The following SLC15A5 variants were observed in gnomAD, a reference collection of about 807,000 sequenced individuals.
SLC15A5 encodes Peptide/histidine transporter ENSP00000340402.
SLC15A5 carries 58 observed loss-of-function variants against 56.1 expected under a neutral mutation model. The observed-to-expected ratio is 1.03, with a 90% confidence interval of 0.84 to 1.29. The LOEUF (loss-of-function observed/expected upper bound fraction) is 1.29. Ranked by LOEUF, SLC15A5 falls within the 50% of genes most tolerant of loss-of-function variation. The pLI, the probability that SLC15A5 is intolerant of heterozygous loss-of-function variation, is 0.00. For missense variants in SLC15A5, 681 were observed against 672.1 expected (o/e 1.01, Z -0.15); for synonymous variants, 264 against 250.5 (o/e 1.05, Z -0.51).
chr12:16,272,349 C>T (rs1449165035), intron 2 of SLC15A5, among the ~76,000 whole-genome samples: 1 of 152,024 alleles, frequency 6.6e-6, no homozygotes, highest in Admixed American at 6.6e-5. Flanking sequence ...AATGTGTCCG[C>T]GTGTGTTGGG....
At position 16,235,958 on chromosome 12, in the gene SLC15A5, G is replaced by T. The variant is rs1864348485; in HGVS notation, c.1162+3723C>A. Among the ~76,000 whole-genome samples the T allele has an allele frequency of 2.0e-5, 3 of 152,050 alleles. No individual in the cohort carries two copies. Among genetic ancestry groups the T allele is most frequent in the African/African-American group, 7.2e-5 (3 of 41,420 alleles). The stretch of plus-strand genomic sequence containing the variant: ...CATAAAAGACTTTTAGCTGGAACTT[G>T]AATTTTCATGTTTTTATTTTAAAGA... On this transcript the variant is annotated intron_variant, in intron 5 of 8. Coordinates refer to ENST00000344941, the MANE Select transcript of SLC15A5 (RefSeq NM_001170798.1). This position sits in a 1 kb window ranked among gnomAD's most constrained non-coding sequence, Gnocchi z 4.1.
chr12:16,259,071 A>T (rs1329841180), intron 2 of SLC15A5, among the ~76,000 whole-genome samples: 34 of 113,574 alleles, frequency 3.0e-4, no homozygotes, highest in African/African-American at 1.1e-3. Flanking sequence ...TTACTCTGTC[A>T]CCCAGGCTGG....
intron 5 of SLC15A5, among the ~76,000 whole-genome samples, chr12:16,234,266 C>T (rs935719424): frequency 2.0e-5 from 3 of 152,166 alleles, no homozygotes; most frequent in Non-Finnish European, 4.4e-5. Context: ...AAACCAACAC[C>T]TCCCAATACT....
chr12:16,190,003 C>T (rs1863825639), intron 8 of SLC15A5, among the ~76,000 whole-genome samples, 188 bp from the exon 9 acceptor site: 1 of 152,112 alleles, frequency 6.6e-6, no homozygotes, highest in African/African-American at 2.4e-5. Flanking sequence ...GTTTTTGTGA[C>T]TTAGTAAAGT....
rs1565675132 is a variant in SLC15A5 at position 16,267,332 on chromosome 12, C to T, written c.584+5229G>A. On this transcript the variant is annotated intron_variant, in intron 2 of 8. Transcript: ENST00000344941. ...TCAGTGAAATAAAATACTTGGGCAC[C>T]GATTTCATGGTGGATGGCTGTTGTC... 3.4e-5 allele frequency among the ~76,000 whole-genome samples: 4 copies of T among 116,386 alleles called. 2 individuals are homozygous for T. Among genetic ancestry groups the T allele is most frequent in the South Asian group, 7.5e-4 (2 of 2,652 alleles). 76.4% of individuals were successfully genotyped at this position (116,386 alleles called of 152,430 possible).
intron 6 of SLC15A5, among the ~76,000 whole-genome samples, chr12:16,222,690 A>T (rs1021371758): frequency 2.6e-5 from 4 of 152,186 alleles, no homozygotes; most frequent in African/African-American, 9.6e-5. Context: ...AGTGATGTGT[A>T]GCACATGATC....
At chr12:16,189,952 G>A (rs1370936438) in intron 8 of SLC15A5, 137 bp from the exon 9 acceptor site, 1 of 647,224 alleles carries the variant, frequency 1.5e-6, no homozygotes, top group African/African-American at 1.8e-5. Flanking sequence ...TTATTTAAGA[G>A]CACTGCTCAC....
chr12:16,193,182 C>T (rs1863854879), intron 8 of SLC15A5, among the ~76,000 whole-genome samples: 1 of 152,002 alleles, frequency 6.6e-6, no homozygotes, highest in Non-Finnish European at 1.5e-5. Flanking sequence ...GACCTTTCTG[C>T]AAAACTTTCT....
chr12:16,259,897 C>CGGGT (rs148955043), intron 2 of SLC15A5, among the ~76,000 whole-genome samples: 15 of 141,090 alleles, frequency 1.1e-4, no homozygotes, highest in African/African-American at 3.6e-4. Context: ...TGACACCACC[C>CGGGT]GGGCGGGGGG....
chr12:16,256,006 G>A (rs1671476), intron 3 of SLC15A5, among the ~76,000 whole-genome samples: 134,945 of 152,198 alleles, frequency 0.89, 60,234 homozygotes, highest in East Asian at 0.96. Context: ...CACTGTCCAA[G>A]TATGGAAACA....
chr12:16,229,735 T>C (rs1025163906), intron 5 of SLC15A5, among the ~76,000 whole-genome samples: 3 of 151,244 alleles, frequency 2.0e-5, no homozygotes, highest in Non-Finnish European at 4.4e-5. Context: ...TTTTAAGAGA[T>C]AGAGGATAAT....
intron 6 of SLC15A5, among the ~76,000 whole-genome samples, chr12:16,224,156 T>C (rs1864215547): frequency 6.6e-6 from 1 of 152,190 alleles, no homozygotes; most frequent in South Asian, 2.1e-4. Context: ...GACAAAATGG[T>C]TATTGCCTTT....
intron 3 of SLC15A5, among the ~76,000 whole-genome samples, chr12:16,256,598 G>A (rs1408435502): frequency 6.6e-6 from 1 of 152,016 alleles, no homozygotes; most frequent in Non-Finnish European, 1.5e-5. Flanking sequence ...GGTGGCTCAC[G>A]CCTGTAATCC....
intron 2 of SLC15A5, among the ~76,000 whole-genome samples, chr12:16,259,897 C>CGGGGGGG (rs148955043): frequency 3.5e-5 from 5 of 141,154 alleles, no homozygotes; most frequent in East Asian, 2.2e-4. Context: ...TGACACCACC[C>CGGGGGGG]GGGCGGGGGG....
At chr12:16,259,795 G>T (rs920438873) in intron 2 of SLC15A5, among the ~76,000 whole-genome samples, 2 of 151,882 alleles carry the variant, frequency 1.3e-5, no homozygotes, top group African/African-American at 4.8e-5. Context: ...AATAATTGAA[G>T]ACATGGAATA....
chr12:16,216,958 A>G lies in SLC15A5; in HGVS notation c.1418T>C (p.Leu473Pro), dbSNP rs1358608417. 1 of 1,536,810 alleles carries G rather than the reference A, an allele frequency of 6.5e-7. No homozygotes were observed. The highest frequency in any genetic ancestry group is 1.4e-5 in the African/African-American group (1 of 73,024). ...TGTGAAACAGCCAAATCCATTGAAC[A>G]GTGTCAGAAAATTCATGGAGGTTCC... ...VRGTSMNFLT[L>P]FNGFGCFTGA... Residue 473 changes from leucine to proline, a missense_variant, in exon 7 of 9, where the codon CTG becomes CCG. By Grantham distance (98) the Leu-to-Pro change is moderately conservative (BLOSUM62 -3). Transcript: ENST00000344941.
intron 6 of SLC15A5, among the ~76,000 whole-genome samples, chr12:16,223,917 C>A (rs1201158480): frequency 1.3e-5 from 2 of 152,088 alleles, no homozygotes; most frequent in Admixed American, 1.3e-4. Context: ...AGGGTTTCAC[C>A]ATGTTGGCCA....
At chr12:16,268,657 G>A (rs1864719001) in intron 2 of SLC15A5, among the ~76,000 whole-genome samples, 1 of 152,042 alleles carries the variant, frequency 6.6e-6, no homozygotes, top group Non-Finnish European at 1.5e-5. Context: ...CTAAATGTGA[G>A]ATAATTGCTA....
intron 7 of SLC15A5, among the ~76,000 whole-genome samples, chr12:16,202,575 C>T (rs1753347603): frequency 6.6e-6 from 1 of 152,046 alleles, no homozygotes; most frequent in African/African-American, 2.4e-5. Flanking sequence ...CATAGCATTA[C>T]CACATGATCC....
Sources: allele counts gnomAD v4.1 joint callset (sites outside exome capture counted in the v4.1 genomes callset), GRCh38; gene constraint gnomAD v4.1.1; non-coding constraint Gnocchi (gnomAD v3.1); transcripts MANE v1.5; gene names NCBI Gene and HGNC (gene_info 2026-07-23, HGNC 2026-07-21).